The following UNC13B variants were observed in gnomAD, a reference collection of about 807,000 sequenced individuals.
UNC13B encodes unc-13 homolog B.
Under a neutral mutation model 211.0 loss-of-function variants are expected in UNC13B, and 144 were observed. The observed-to-expected ratio is 0.68, with a 90% CI of 0.60 to 0.78. The LOEUF is 0.78. Ranked by LOEUF, UNC13B falls within the 30% of genes least tolerant of loss-of-function variation. UNC13B has a pLI of 0.00. For synonymous variants in UNC13B, 709 were observed against 725.8 expected (o/e 0.98, Z 0.37); for missense variants, 1,777 against 2,002.0 (o/e 0.89, Z 2.14).
chr9:35,220,799 C>A (rs28887496), intron 1 of UNC13B, among the ~76,000 whole-genome samples: 8 of 152,016 alleles, frequency 5.3e-5, no homozygotes. Context: ...AGGATCATAT[C>A]GTAGCTCTAT....
chr9:35,197,488 C>T (rs781459031), intron 1 of UNC13B, among the ~76,000 whole-genome samples: 1 of 152,164 alleles, frequency 6.6e-6, no homozygotes, highest in Non-Finnish European at 1.5e-5. Flanking sequence ...GATTACAGGC[C>T]AGAGCCACTA....
intron 11 of UNC13B, among the ~76,000 whole-genome samples, chr9:35,325,591 A>G (rs985058508): frequency 6.6e-6 from 1 of 152,210 alleles, no homozygotes; most frequent in Non-Finnish European, 1.5e-5. Context: ...TTCAGATATA[A>G]TTAATATAAC....
intron 11 of UNC13B, among the ~76,000 whole-genome samples, chr9:35,341,354 T>G (rs78483484): frequency 6.6e-6 from 1 of 152,254 alleles, no homozygotes; most frequent in African/African-American, 2.4e-5. Flanking sequence ...AACATGGCAC[T>G]GTTTGATTTT....
At chr9:35,313,836 T>A (rs968942801) in intron 10 of UNC13B, 63 bp from the exon 11 acceptor site, 217 of 1,326,356 alleles carry the variant, frequency 1.6e-4, no homozygotes, top group Admixed American at 2.9e-4. Context: ...CAGTCTTGCC[T>A]TGAGCAGTGT....
intron 7 of UNC13B, among the ~76,000 whole-genome samples, chr9:35,274,348 CA>C: frequency 6.6e-6 from 1 of 152,092 alleles, no homozygotes; most frequent in Non-Finnish European, 1.5e-5. Flanking sequence ...GCTGTGATTA[CA>C]GGTGTGAGCC....
intron 1 of UNC13B, among the ~76,000 whole-genome samples, chr9:35,173,976 A>G (rs761291628): frequency 2.0e-5 from 3 of 152,318 alleles, no homozygotes; most frequent in East Asian, 1.9e-4. Context: ...GAAAATACCT[A>G]TAGCAAAGTA....
At chr9:35,184,172 G>A (rs1282818201) in intron 1 of UNC13B, among the ~76,000 whole-genome samples, 16 of 147,578 alleles carry the variant, frequency 1.1e-4, no homozygotes, top group African/African-American at 3.8e-4. Flanking sequence ...AGGCAGAGGC[G>A]CCCCTCACTT....
intron 5 of UNC13B, among the ~76,000 whole-genome samples, chr9:35,242,561 C>A (rs1825868304): frequency 6.6e-6 from 1 of 152,164 alleles, no homozygotes; most frequent in Non-Finnish European, 1.5e-5. Context: ...GTGATGGACT[C>A]ATTTCATTTA....
Position 35,326,144 on chromosome 9 carries a change from T to C in UNC13B, c.9414+12155T>C, listed in dbSNP as rs117828020. On this transcript the variant is annotated intron_variant, in intron 11 of 39. Coordinates refer to ENST00000635942, the MANE Select transcript of UNC13B (RefSeq NM_001371189.2). ...CATCTTTGCCAACACTTATTGTCTG[T>C]CTTTTTTTATTATAGCCATCCTAGT... Among the ~76,000 whole-genome samples the C allele has an allele frequency of 7.2e-5, 11 of 152,350 alleles. No individual in the cohort carries two copies. The East Asian group carries it at 1.9e-3, about 27-fold the overall frequency.
chr9:35,377,072 C>T (rs76572464), intron 15 of UNC13B, among the ~76,000 whole-genome samples: 3,569 of 152,316 alleles, frequency 0.023, 134 homozygotes, highest in African/African-American at 0.081. Flanking sequence ...TCTAGACCCA[C>T]AAGTACTTCA....
chr9:35,259,461 C>T (rs1258359716), intron 7 of UNC13B, among the ~76,000 whole-genome samples: 3 of 152,050 alleles, frequency 2.0e-5, no homozygotes, highest in Non-Finnish European at 4.4e-5. Context: ...TGTGCACATC[C>T]ATCATATGAC....
chr9:35,211,258 GTTC>G (rs1316288678), intron 1 of UNC13B, among the ~76,000 whole-genome samples: 1 of 152,132 alleles, frequency 6.6e-6, no homozygotes, highest in Non-Finnish European at 1.5e-5. Context: ...TTCTTTGTGT[GTTC>G]TTCTAGATTT....
At chr9:35,356,948 A>G (rs1156407938) in intron 11 of UNC13B, among the ~76,000 whole-genome samples, 4 of 152,156 alleles carry the variant, frequency 2.6e-5, no homozygotes, top group East Asian at 1.9e-4. Context: ...TGGCTGAACA[A>G]TATTTATTGA....
chr9:35,278,956 C>A (rs1828330317), intron 7 of UNC13B, among the ~76,000 whole-genome samples: 1 of 152,178 alleles, frequency 6.6e-6, no homozygotes, highest in South Asian at 2.1e-4. Flanking sequence ...ATGCTATGAA[C>A]TGTGTTTAGT....
intron 11 of UNC13B, among the ~76,000 whole-genome samples, chr9:35,340,612 G>T (rs1204306141): frequency 6.6e-6 from 1 of 152,168 alleles, no homozygotes; most frequent in Admixed American, 6.5e-5. Flanking sequence ...AAGTCACAAG[G>T]TTTGAGAGCC....
intron 11 of UNC13B, among the ~76,000 whole-genome samples, chr9:35,345,154 G>A (rs1321752101): frequency 6.6e-6 from 1 of 152,182 alleles, no homozygotes; most frequent in East Asian, 1.9e-4. Flanking sequence ...ACTCACAAGA[G>A]CAGGAGGTAG....
chr9:35,324,908 A>T (rs1027561731), intron 11 of UNC13B, among the ~76,000 whole-genome samples: 1 of 152,136 alleles, frequency 6.6e-6, no homozygotes, highest in African/African-American at 2.4e-5. Context: ...TACTTCTTGG[A>T]CACTCACTTG....
chr9:35,267,269 A>G (rs1827629493), intron 7 of UNC13B, among the ~76,000 whole-genome samples: 1 of 152,144 alleles, frequency 6.6e-6, no homozygotes, highest in Non-Finnish European at 1.5e-5. Flanking sequence ...TAGAAGTGGG[A>G]AAGTGAGCCT....
rs554593660 is a variant in UNC13B at position 35,221,366 on chromosome 9, G to T, written c.23-6649G>T. ...ATTACATGCGTGAGCCACCATGCCC[G>T]GCCTGTCCGTCTTGTTTTGACAAAT... On this transcript the variant is annotated intron_variant, in intron 1 of 39. Coordinates refer to ENST00000635942, the MANE Select transcript of UNC13B (RefSeq NM_001371189.2). Among the ~76,000 whole-genome samples the T allele has an allele frequency of 3.3e-5, 5 of 152,238 alleles. No individual in the cohort carries two copies. The East Asian group carries it at 9.6e-4, about 29-fold the overall frequency.
Sources: gnomAD v4.1 joint callset for allele counts (sites outside exome capture counted in the v4.1 genomes callset) on GRCh38, gnomAD v4.1.1 for gene constraint, MANE v1.5 for transcripts, NCBI Gene and HGNC (gene_info 2026-07-23, HGNC 2026-07-21) for gene names.